Variants in LNX1 observed in about 807,000 individuals in gnomAD.
LNX1 encodes E3 ubiquitin-protein ligase LNX.
A neutral mutation model predicts 68.4 loss-of-function variants in LNX1; 54 were observed. The ratio of observed to expected loss-of-function variants is 0.79; its 90% confidence interval spans 0.63 to 0.99. The LOEUF (loss-of-function observed/expected upper bound fraction) is 0.99. Among genes scored for constraint, LNX1 ranks in the 50% least tolerant of loss-of-function variants. The pLI, the probability that LNX1 is intolerant of heterozygous loss-of-function variation, is 0.00. For missense variants in LNX1, 906 were observed against 926.4 expected (o/e 0.98, Z 0.29); for synonymous variants, 336 against 350.0 (o/e 0.96, Z 0.45).
At chr4:53,540,687 C>T (rs1328026037) in intron 2 of LNX1, among the ~76,000 whole-genome samples, 1 of 150,440 alleles carries the variant, frequency 6.6e-6, no homozygotes, top group Admixed American at 6.6e-5. Context: ...TCTCAAAAAA[C>T]AAAAAACAAA....
chr4:53,526,829 C>A (rs1727642766), intron 2 of LNX1, among the ~76,000 whole-genome samples: 1 of 151,830 alleles, frequency 6.6e-6, no homozygotes, highest in Admixed American at 6.6e-5. Flanking sequence ...ATTGTGAGGA[C>A]CTTAATGGTT....
At chr4:53,484,478 G>T (rs1173036803) in intron 6 of LNX1, among the ~76,000 whole-genome samples, 1 of 151,998 alleles carries the variant, frequency 6.6e-6, no homozygotes, top group Non-Finnish European at 1.5e-5. Context: ...GAGGAGAATT[G>T]CTTGAACCCA....
At chr4:53,552,288 C>T (rs1010697325) in intron 2 of LNX1, among the ~76,000 whole-genome samples, 2 of 152,180 alleles carry the variant, frequency 1.3e-5, no homozygotes, top group Non-Finnish European at 2.9e-5. Context: ...ACTGTGCATC[C>T]ACTCAAAGCT....
At chr4:53,538,250 C>T (rs1031726972) in intron 2 of LNX1, among the ~76,000 whole-genome samples, 11 of 152,226 alleles carry the variant, frequency 7.2e-5, no homozygotes, top group Non-Finnish European at 1.5e-4. Flanking sequence ...GTTTTATCTG[C>T]ACCCCTTTCC....
chr4:53,545,277 A>T (rs184068192), intron 2 of LNX1, among the ~76,000 whole-genome samples: 2 of 152,294 alleles, frequency 1.3e-5, no homozygotes, highest in African/African-American at 4.8e-5. Flanking sequence ...CAGAGAAACT[A>T]CCCAATCATT....
intron 1 of LNX1, among the ~76,000 whole-genome samples, chr4:53,639,981 G>A (rs576584101): frequency 3.0e-4 from 46 of 152,220 alleles, no homozygotes; most frequent in African/African-American, 1.1e-3. Flanking sequence ...GCAGTGAGCT[G>A]AGACTGCACC....
intron 1 of LNX1, among the ~76,000 whole-genome samples, chr4:53,627,226 C>A (rs55966837): frequency 6.6e-6 from 1 of 152,116 alleles, no homozygotes; most frequent in South Asian, 2.1e-4. Flanking sequence ...ATGATGGGAA[C>A]AGAGTTTAGA....
chr4:53,617,645 C>T (rs1198120896), upstream of LNX1: 1 of 152,180 alleles, frequency 6.6e-6, no homozygotes, highest in South Asian at 2.1e-4. Context: ...AGAAACATGC[C>T]CACCCACATC....
intron 2 of LNX1, among the ~76,000 whole-genome samples, chr4:53,572,296 T>A (rs936087654): frequency 2.0e-5 from 3 of 152,126 alleles, no homozygotes; most frequent in African/African-American, 7.2e-5. Flanking sequence ...TTCTGGGGAA[T>A]GAGGGAGGTA....
rs370618910 is a variant in LNX1 at position 53,465,122 on chromosome 4, G to C, written c.1893-3529C>G. ...GTTATTGGCCATTGAAAAACATCTTGCATTTTTTTCCTTGCAGGAAATATT... is the reference window on the plus strand; with the variant it reads ...GTTATTGGCCATTGAAAAACATCTTCCATTTTTTTCCTTGCAGGAAATATT... On this transcript the variant is annotated intron_variant, in intron 9 of 10. Coordinates refer to ENST00000263925, the MANE Select transcript of LNX1 (RefSeq NM_001126328.3). 1.4e-4 allele frequency among the ~76,000 whole-genome samples: 21 copies of C among 152,194 alleles called. 1 individual carries two copies. In the South Asian group the frequency reaches 4.3e-3, roughly 32 times the overall value.
intron 7 of LNX1, among the ~76,000 whole-genome samples, chr4:53,479,348 A>C (rs1723770950): frequency 6.6e-6 from 1 of 152,240 alleles, no homozygotes; most frequent in South Asian, 2.1e-4. Context: ...TATTTTATAG[A>C]GTCTTCTTTC....
At chr4:53,473,957 G>A (rs1212150322) in intron 9 of LNX1, among the ~76,000 whole-genome samples, 3 of 152,140 alleles carry the variant, frequency 2.0e-5, no homozygotes, top group Non-Finnish European at 4.4e-5. Flanking sequence ...TATTTTGAAC[G>A]TTAAGTAAAA....
chr4:53,566,921 G>C (rs1730736858), intron 2 of LNX1, among the ~76,000 whole-genome samples: 1 of 152,136 alleles, frequency 6.6e-6, no homozygotes, highest in Admixed American at 6.6e-5. Flanking sequence ...ATGGTAAAGG[G>C]ATCATTTCAA....
chr4:53,497,690 C>CT (rs1725165841), intron 5 of LNX1, among the ~76,000 whole-genome samples: 1 of 151,934 alleles, frequency 6.6e-6, no homozygotes. Context: ...ATAGTTTCCA[C>CT]TAGAACTGGG....
At chr4:53,462,886 G>C (rs2150553596) in intron 9 of LNX1, among the ~76,000 whole-genome samples, 1 of 152,196 alleles carries the variant, frequency 6.6e-6, no homozygotes, top group South Asian at 2.1e-4. Context: ...TTCATTCTTT[G>C]GGAGCTGTGG....
intron 2 of LNX1, among the ~76,000 whole-genome samples, chr4:53,536,071 G>T (rs1728350894): frequency 6.6e-6 from 1 of 152,162 alleles, no homozygotes; most frequent in Non-Finnish European, 1.5e-5. Context: ...GCATTTTACA[G>T]TACCCTGTAG....
intron 2 of LNX1, among the ~76,000 whole-genome samples, chr4:53,567,754 C>T (rs1024135434): frequency 6.6e-6 from 1 of 151,662 alleles, no homozygotes; most frequent in African/African-American, 2.4e-5. Context: ...GCTAACAAGA[C>T]TAATAAAGAA....
At position 53,503,485 on chromosome 4, in the gene LNX1, C is replaced by T. The variant is rs143887483; in HGVS notation, c.775+3832G>A. On this transcript the variant is annotated intron_variant, in intron 4 of 10. Transcript: ENST00000263925. The stretch of plus-strand genomic sequence containing the variant: ...TCGAAGTACTTGGGTAACTAGGATG[C>T]ATTATCAATGAGTAGCAATATTTTG... 3.5e-3 allele frequency among the ~76,000 whole-genome samples: 536 copies of T among 152,300 alleles called. 1 individual carries two copies. Among genetic ancestry groups the T allele is most frequent in the Non-Finnish European group, 6.8e-3 (465 of 68,030 alleles).
rs1378405715 is a variant in LNX1, at chr4:53,460,845, T to C, written c.*62A>G. ...AATATAAAAACTGACAAGATAAATA[T>C]AGTGTTTCAACTTCTTAGCCTATTT... is the stretch of plus-strand genomic sequence containing the variant. On this transcript the variant is annotated 3_prime_UTR_variant, in exon 11 of 11. Coordinates refer to ENST00000263925, the MANE Select transcript of LNX1 (RefSeq NM_001126328.3). 14 of 1,395,156 alleles carry C rather than the reference T, an allele frequency of 1.0e-5. No individual in the cohort carries two copies. Among genetic ancestry groups the C allele is most frequent in the South Asian group, 5.3e-5 (4 of 75,764 alleles). The allele number at this position is 1,395,156 out of a possible 1,614,324, so 86.4% of individuals were successfully genotyped here.
Sources: allele counts gnomAD v4.1 joint callset (sites outside exome capture counted in the v4.1 genomes callset), GRCh38; gene constraint gnomAD v4.1.1; transcripts MANE v1.5; gene names NCBI Gene and HGNC (gene_info 2026-07-23, HGNC 2026-07-21).